Variants in KDM4C observed in about 807,000 individuals in gnomAD.
The protein encoded by KDM4C is lysine demethylase 4C, also known as lysine-specific demethylase 4C.
Under a neutral mutation model 129.3 loss-of-function variants are expected in KDM4C, and 81 were observed. The observed-to-expected ratio is 0.63, with a 90% CI of 0.52 to 0.75. KDM4C has a LOEUF of 0.75. Among genes scored for constraint, KDM4C ranks in the 30% least tolerant of loss-of-function variants. KDM4C has a pLI of 0.00. For synonymous variants in KDM4C, 573 were observed against 456.1 expected, an observed-to-expected ratio of 1.26 and a Z score of -3.26; for missense variants, 1,457 against 1,304.0, an observed-to-expected ratio of 1.12 and a Z score of -1.81.
At chr9:6,912,064 A>G (rs1819416085) in intron 8 of KDM4C, among the ~76,000 whole-genome samples, 1 of 152,232 alleles carries the variant, frequency 6.6e-6, no homozygotes, top group African/African-American at 2.4e-5. Flanking sequence ...GTTGGCACAG[A>G]ACGGGAAGAT....
intron 1 of KDM4C, among the ~76,000 whole-genome samples, chr9:6,772,096 A>G (rs1400619142): frequency 6.6e-6 from 1 of 152,200 alleles, no homozygotes; most frequent in Non-Finnish European, 1.5e-5. Flanking sequence ...AAAAATAAGG[A>G]TTTAGAAAGT....
At chr9:6,997,390 C>G (rs1259066421) in intron 12 of KDM4C, among the ~76,000 whole-genome samples, 1 of 152,152 alleles carries the variant, frequency 6.6e-6, no homozygotes, top group African/African-American at 2.4e-5. Context: ...AAAACAAAAT[C>G]CAGAAACAAA....
Position 7,165,232 on chromosome 9 carries a change from C to G in KDM4C, c.2782-6C>G. 1 of 1,613,692 alleles carries G rather than the reference C, an allele frequency of 6.2e-7. No individual in the cohort carries two copies. The highest frequency in any genetic ancestry group is 8.5e-7 in the Non-Finnish European group (1 of 1,179,844). On this transcript the variant is annotated splice_polypyrimidine_tract_variant and splice_region_variant and intron_variant, in intron 19 of 21. Coordinates refer to ENST00000381309, the MANE Select transcript of KDM4C (RefSeq NM_015061.6). ...TTTGAAAAGCCTGTCTCTGTTTATT[C>G]TGCAGAGCCGAGACTGTCTGAAGCT...
intron 18 of KDM4C, among the ~76,000 whole-genome samples, chr9:7,127,406 A>T (rs1421779160): frequency 6.6e-6 from 1 of 152,214 alleles, no homozygotes; most frequent in East Asian, 1.9e-4. Context: ...AGAACAAGAG[A>T]ACATCACCTA....
chr9:6,750,531 C>T (rs551815158), intron 1 of KDM4C, among the ~76,000 whole-genome samples: 5 of 151,700 alleles, frequency 3.3e-5, no homozygotes, highest in African/African-American at 9.7e-5. Context: ...ATAGCCAAAA[C>T]ACCAAGTTCA....
chr9:6,834,209 T>A lies in KDM4C; in HGVS notation c.436-15298T>A, dbSNP rs546290616. Among the ~76,000 whole-genome samples, 5 of 152,168 alleles carry A rather than the reference T, an allele frequency of 3.3e-5. No individual in the cohort carries two copies. The East Asian group carries it at 9.7e-4, about 29-fold the overall frequency. On this transcript the variant is annotated intron_variant, in intron 4 of 21. Coordinates refer to ENST00000381309, the MANE Select transcript of KDM4C (RefSeq NM_015061.6). Reference sequence around the variant, plus strand: ...GTGCGCCACCATGCCCAGTTAATTGTATTTTTAGTAGAGGCAGGGTTTTGC... The same window carrying A: ...GTGCGCCACCATGCCCAGTTAATTGAATTTTTAGTAGAGGCAGGGTTTTGC...
chr9:6,809,262 A>G (rs1830713386), intron 3 of KDM4C, among the ~76,000 whole-genome samples: 1 of 152,224 alleles, frequency 6.6e-6, no homozygotes, highest in African/African-American at 2.4e-5. Context: ...GAAACTTTCA[A>G]CAAAGATTGG....
chr9:6,815,683 A>C (rs1490623267), intron 4 of KDM4C, among the ~76,000 whole-genome samples: 2 of 152,192 alleles, frequency 1.3e-5, no homozygotes, highest in Non-Finnish European at 2.9e-5. Context: ...ACCTTTGAGC[A>C]TCGTGTTGAA....
chr9:6,786,085 A>G (rs530947381), intron 1 of KDM4C, among the ~76,000 whole-genome samples: 69 of 152,310 alleles, frequency 4.5e-4, no homozygotes, highest in African/African-American at 1.6e-3. Context: ...AAACTAATAC[A>G]CAATGAGAGC....
At chr9:6,742,245 A>G (rs1418885196) in intron 1 of KDM4C, among the ~76,000 whole-genome samples, 1 of 150,268 alleles carries the variant, frequency 6.7e-6, no homozygotes, top group Non-Finnish European at 1.5e-5. Context: ...CGAACTCCTG[A>G]CCTCGTCATC....
At chr9:7,163,042 A>G (rs1843971860) in intron 19 of KDM4C, among the ~76,000 whole-genome samples, 2 of 152,078 alleles carry the variant, frequency 1.3e-5, no homozygotes, top group Admixed American at 1.3e-4. Context: ...TTACCTAGTG[A>G]TGGGCCGTGC....
At chr9:7,157,469 A>G (rs996798383) in intron 19 of KDM4C, among the ~76,000 whole-genome samples, 15 of 152,200 alleles carry the variant, frequency 9.9e-5, no homozygotes, top group African/African-American at 3.6e-4. Context: ...TTGTCCATTC[A>G]TTATGATATT....
At chr9:6,969,505 T>G (rs11791815) in intron 8 of KDM4C, among the ~76,000 whole-genome samples, 6,048 of 152,272 alleles carry the variant, frequency 0.04, 397 homozygotes, top group African/African-American at 0.14. Context: ...GTAAACAGTC[T>G]CTTTTGGCAG....
At chr9:6,870,637 A>G (rs111507539) in intron 5 of KDM4C, among the ~76,000 whole-genome samples, 4,148 of 152,096 alleles carry the variant, frequency 0.027, 169 homozygotes, top group African/African-American at 0.093. Flanking sequence ...TAGTGAAGGT[A>G]GAGGGCAAGT....
intron 6 of KDM4C, among the ~76,000 whole-genome samples, chr9:6,886,301 T>C (rs563375344): frequency 7.9e-5 from 12 of 152,230 alleles, no homozygotes; most frequent in African/African-American, 1.7e-4. Flanking sequence ...TCATGTTTTA[T>C]TGAACTTCCT....
intron 5 of KDM4C, among the ~76,000 whole-genome samples, chr9:6,859,163 C>G (rs1840463003): frequency 6.6e-6 from 1 of 152,072 alleles, no homozygotes. Context: ...TTGCCAGGAA[C>G]CATACTAATC....
intron 8 of KDM4C, among the ~76,000 whole-genome samples, chr9:6,952,043 G>A (rs949622426): frequency 6.6e-6 from 1 of 152,028 alleles, no homozygotes; most frequent in Non-Finnish European, 1.5e-5. Flanking sequence ...TTATAAGGCT[G>A]AACTTAAATG....
At chr9:7,057,413 C>G (rs1461437504) in intron 17 of KDM4C, among the ~76,000 whole-genome samples, 1 of 152,228 alleles carries the variant, frequency 6.6e-6, no homozygotes, top group Non-Finnish European at 1.5e-5. Context: ...TTATAAGAAG[C>G]CTCCCTTAGG....
At chr9:6,919,731 A>G (rs1409751202) in intron 8 of KDM4C, among the ~76,000 whole-genome samples, 1 of 151,846 alleles carries the variant, frequency 6.6e-6, no homozygotes, top group African/African-American at 2.4e-5. Flanking sequence ...GTGCACCACC[A>G]TGCCTGGCTA....
Sources: allele counts gnomAD v4.1 joint callset (sites outside exome capture counted in the v4.1 genomes callset), GRCh38; gene constraint gnomAD v4.1.1; transcripts MANE v1.5; gene names NCBI Gene and HGNC (gene_info 2026-07-23, HGNC 2026-07-21).